BLTP1: variants seen among roughly 807,000 people sequenced by gnomAD.
The protein encoded by BLTP1 is fragile site-associated protein.
At chr4:122,229,719 A>T in the BLTP1 span, 1 of 964,310 alleles carries the variant, frequency 1.0e-6, no homozygotes, top group Non-Finnish European at 1.2e-6. Context: ...CCTTTTTAAA[A>T]AATTGTCTAT....
At chr4:122,280,952 A>G in the BLTP1 span, among the ~76,000 whole-genome samples, 2 of 152,338 alleles carry the variant, frequency 1.3e-5, no homozygotes, top group East Asian at 1.9e-4. Context: ...TTACTATAGT[A>G]TCAGTAGAGT....
chr4:122,184,897 A>G, the BLTP1 span: 1 of 984,562 alleles, frequency 1.0e-6, no homozygotes, highest in Non-Finnish European at 1.2e-6. Context: ...CAGACATGAA[A>G]TCTGCCCCTA....
chr4:122,352,951 G>C, the BLTP1 span: 1 of 1,613,982 alleles, frequency 6.2e-7, no homozygotes, highest in Non-Finnish European at 8.5e-7. Context: ...ATTGAAGGTG[G>C]TATCAGGATG....
the BLTP1 span, chr4:122,179,746 A>G: frequency 2.9e-6 from 2 of 693,326 alleles, no homozygotes; most frequent in South Asian, 1.3e-4. Flanking sequence ...ACAGAGAAAC[A>G]TTTTCAAAGA....
chr4:122,318,344 A>G, the BLTP1 span: 3 of 1,167,610 alleles, frequency 2.6e-6, no homozygotes, highest in Admixed American at 4.1e-5. Context: ...ACTGCGTACC[A>G]GGTACCATCT....
chr4:122,201,238 TCAA>T, the BLTP1 span: 1 of 791,934 alleles, frequency 1.3e-6, no homozygotes, highest in Non-Finnish European at 1.9e-6. Context: ...CATATTTTCT[TCAA>T]CATTTCATTT....
At chr4:122,313,762 C>G in the BLTP1 span, 3 of 887,240 alleles carry the variant, frequency 3.4e-6, no homozygotes, top group Non-Finnish European at 1.7e-6. Context: ...AATCTTTTGG[C>G]TAAGCTAATT....
At chr4:122,258,849 T>G in the BLTP1 span, 4 of 1,577,762 alleles carry the variant, frequency 2.5e-6, no homozygotes, top group Non-Finnish European at 3.5e-6. Context: ...TAAAGGTATA[T>G]TATTGCTCTT....
At chr4:122,154,161 A>ATTTTTTTT in the BLTP1 span, 1 of 292,900 alleles carries the variant, frequency 3.4e-6, no homozygotes, top group African/African-American at 6.7e-5. Context: ...TCGGTTAAAG[A>ATTTTTTTT]CTTTTTTTTT....
At chr4:122,341,697 T>C in the BLTP1 span, 11 of 984,978 alleles carry the variant, frequency 1.1e-5, no homozygotes, top group Non-Finnish European at 1.3e-5. Context: ...ATATCCATTC[T>C]TTCAAAGGAT....
At chr4:122,236,616 C>T in the BLTP1 span, among the ~76,000 whole-genome samples, 1 of 152,144 alleles carries the variant, frequency 6.6e-6, no homozygotes, top group Admixed American at 6.5e-5. Context: ...GTTGTTCTCT[C>T]TAATGTTCTA....
At chr4:122,306,591 GGAAAT>G in the BLTP1 span, 3 of 983,374 alleles carry the variant, frequency 3.1e-6, no homozygotes, top group African/African-American at 5.2e-5. Flanking sequence ...AGGGAGATAA[GGAAAT>G]GAAATTTACT....
chr4:122,247,610 G>A, the BLTP1 span: 3 of 1,190,810 alleles, frequency 2.5e-6, no homozygotes, highest in South Asian at 2.0e-5. Flanking sequence ...TATTTCCCAT[G>A]TTTCTATTTC....
the BLTP1 span, chr4:122,192,160 C>T: frequency 3.9e-6 from 6 of 1,526,364 alleles, no homozygotes; most frequent in South Asian, 1.3e-5. Context: ...GTTGGAGCTA[C>T]TGATCTAAGG....
the BLTP1 span, chr4:122,247,432 T>A: frequency 6.5e-7 from 1 of 1,537,956 alleles, no homozygotes; most frequent in Non-Finnish European, 8.9e-7. Flanking sequence ...GGAACATGTT[T>A]TTTTCCTTTG....
At chr4:122,264,437 C>G in the BLTP1 span, 1 of 1,585,476 alleles carries the variant, frequency 6.3e-7, no homozygotes, top group Non-Finnish European at 8.6e-7. Flanking sequence ...GGTGAGCCAG[C>G]CTGCTTTTTC....
the BLTP1 span, chr4:122,201,236 C>A: frequency 2.5e-6 from 2 of 795,836 alleles, no homozygotes; most frequent in South Asian, 2.9e-5. Context: ...TTCATATTTT[C>A]TTCAACATTT....
chr4:122,293,900 G>A, the BLTP1 span, among the ~76,000 whole-genome samples: 1 of 152,198 alleles, frequency 6.6e-6, no homozygotes, highest in East Asian at 1.9e-4. Context: ...AGTCCGGGCA[G>A]TCCAGACTGG....
the BLTP1 span, chr4:122,227,011 T>C: frequency 1.7e-6 from 1 of 572,668 alleles, no homozygotes; most frequent in Admixed American, 4.2e-5. Flanking sequence ...ATCTAAAATA[T>C]GAGATAATTA....
Sources: gnomAD v4.1 joint callset for allele counts (sites outside exome capture counted in the v4.1 genomes callset) on GRCh38, gnomAD v4.1.1 for gene constraint, MANE v1.5 for transcripts, NCBI Gene and HGNC (gene_info 2026-07-23, HGNC 2026-07-21) for gene names.